The following ITCH variants were observed in gnomAD, a reference collection of about 807,000 sequenced individuals.
ITCH encodes itchy E3 ubiquitin protein ligase.
ITCH carries 28 observed loss-of-function variants against 126.8 expected under a neutral mutation model. The ratio of observed to expected loss-of-function variants is 0.22; its 90% confidence interval spans 0.16 to 0.30. The LOEUF (loss-of-function observed/expected upper bound fraction) is 0.30. Among genes scored for constraint, ITCH ranks in the 10% least tolerant of loss-of-function variants. ITCH has a pLI of 1.00. For missense variants in ITCH, 631 were observed against 1,032.4 expected (o/e 0.61, Z 5.33); for synonymous variants, 342 against 340.0 (o/e 1.01, Z -0.06).
intron 12 of ITCH, among the ~76,000 whole-genome samples, chr20:34,451,855 C>T (rs1985287574): frequency 6.6e-6 from 1 of 152,006 alleles, no homozygotes; most frequent in Non-Finnish European, 1.5e-5. Flanking sequence ...ATTGCTTGAG[C>T]CCGGGAGTTG....
chr20:34,373,925 G>A (rs978312060), intron 2 of ITCH, among the ~76,000 whole-genome samples: 5 of 148,920 alleles, frequency 3.4e-5, no homozygotes, highest in Non-Finnish European at 5.9e-5. Context: ...TTGCTTTGTC[G>A]CCAGGCTGGA....
In ITCH at chr20:34,440,363, T is replaced by G; in HGVS notation, c.869+19T>G. On this transcript the variant is annotated intron_variant, in intron 9 of 24. Transcript: ENST00000374864. ...CACCTGGGTGAGTAACTTTTTAAAT[T>G]AACATATGTTGTCTTTAGGATTCTT... 6.4e-7 allele frequency: 1 copy of G among 1,571,898 alleles called. No individual in the cohort carries two copies. Among genetic ancestry groups the G allele is most frequent in the Non-Finnish European group, 8.8e-7 (1 of 1,141,404 alleles).
In ITCH at chr20:34,490,594, G is replaced by A. The variant is rs139060390; in HGVS notation, c.2319+668G>A. ...GAAGGCAGAGGTTGCAGTAAGCCAA[G>A]TTCGCACTACTGCACTCCAGCCTGG... On this transcript the variant is annotated intron_variant, in intron 22 of 24. Transcript: ENST00000374864. 4.0e-3 allele frequency among the ~76,000 whole-genome samples: 614 copies of A among 152,304 alleles called. 5 individuals are homozygous for A. Among genetic ancestry groups the A allele is most frequent in the African/African-American group, 0.014 (578 of 41,556 alleles).
intron 22 of ITCH, among the ~76,000 whole-genome samples, chr20:34,491,361 G>A (rs1487344365): frequency 1.3e-5 from 2 of 152,148 alleles, no homozygotes; most frequent in Non-Finnish European, 2.9e-5. Flanking sequence ...CAGCTTCATA[G>A]AGGCAAAAGT....
intron 13 of ITCH, among the ~76,000 whole-genome samples, chr20:34,460,018 C>T (rs186457229): frequency 3.9e-5 from 6 of 152,274 alleles, no homozygotes; most frequent in South Asian, 2.1e-4. Flanking sequence ...AGTTAGAATT[C>T]TGCTTTAACA....
chr20:34,377,511 GA>G (rs1409986809), intron 2 of ITCH, among the ~76,000 whole-genome samples: 1 of 152,114 alleles, frequency 6.6e-6, no homozygotes, highest in African/African-American at 2.4e-5. Flanking sequence ...CCAAGGTTTG[GA>G]AACAATGACA....
chr20:34,401,894 C>G (rs2038899349), intron 3 of ITCH, among the ~76,000 whole-genome samples: 2 of 152,000 alleles, frequency 1.3e-5, no homozygotes, highest in African/African-American at 2.4e-5. Flanking sequence ...CTTGAAATAA[C>G]AAAACTGAAA....
At position 34,473,185 on chromosome 20, in the gene ITCH, AGTT is replaced by A. The variant is rs141246514; in HGVS notation, c.1569+1675_1569+1677del. Among the ~76,000 whole-genome samples, 1,178 of 152,342 alleles carry A rather than the reference AGTT, an allele frequency of 7.7e-3. 17 individuals carry two copies. The highest frequency in any genetic ancestry group is 0.027 in the African/African-American group (1,114 of 41,576). ...AATTAGCATCAGATTTTCTTTGGAT[AGTT>A]GTTGGATAAAATTGCTCTGGGATAG... On this transcript the variant is annotated intron_variant, in intron 16 of 24. Transcript: ENST00000374864.
chr20:34,487,491 T>G (rs796226945), intron 20 of ITCH, among the ~76,000 whole-genome samples: 1 of 152,224 alleles, frequency 6.6e-6, no homozygotes, highest in African/African-American at 2.4e-5. Flanking sequence ...TTTCTTGCCT[T>G]CTTTGAATAA....
chr20:34,388,703 C>G (rs755843198), intron 2 of ITCH, among the ~76,000 whole-genome samples: 4 of 152,164 alleles, frequency 2.6e-5, no homozygotes, highest in Admixed American at 6.5e-5. Context: ...CATACAAAGG[C>G]TTAAAAGTAT....
intron 6 of ITCH, among the ~76,000 whole-genome samples, chr20:34,423,819 T>C (rs1601865953): frequency 6.6e-6 from 1 of 152,112 alleles, no homozygotes. Context: ...GCCAGGCTGG[T>C]CTTGAACTCC....
At chr20:34,437,230 A>G (rs939143010) in intron 7 of ITCH, among the ~76,000 whole-genome samples, 1 of 152,222 alleles carries the variant, frequency 6.6e-6, no homozygotes, top group Non-Finnish European at 1.5e-5. Flanking sequence ...ACATCATGTT[A>G]TACTGTTTTT....
At chr20:34,417,703 CTTTTTTTTTT>C (rs77967776) in intron 6 of ITCH, among the ~76,000 whole-genome samples, 1 of 109,308 alleles carries the variant, frequency 9.1e-6, no homozygotes, top group Non-Finnish European at 1.8e-5. Context: ...CCTGGCCCAG[CTTTTTTTTTT>C]TTTTTTTTTT....
chr20:34,421,214 A>G (rs1980720539), intron 6 of ITCH, among the ~76,000 whole-genome samples: 1 of 152,208 alleles, frequency 6.6e-6, no homozygotes, highest in African/African-American at 2.4e-5. Context: ...TCCTGGCCTC[A>G]AGCAGTCCTC....
chr20:34,432,250 C>T (rs1385958993), intron 7 of ITCH, among the ~76,000 whole-genome samples: 1 of 151,930 alleles, frequency 6.6e-6, no homozygotes, highest in Admixed American at 6.6e-5. Context: ...AAACTAAAAC[C>T]TCTAGAAGAA....
chr20:34,507,263 GTTTTTT>G (rs776161631), intron 24 of ITCH, among the ~76,000 whole-genome samples: 47 of 39,180 alleles, frequency 1.2e-3, no homozygotes, highest in Admixed American at 7.3e-4. Flanking sequence ...GTTTTCTTCT[GTTTTTT>G]TTTTTTTTTT....
At chr20:34,455,228 CTA>C (rs1257369089) in intron 12 of ITCH, among the ~76,000 whole-genome samples, 2 of 152,106 alleles carry the variant, frequency 1.3e-5, no homozygotes, top group Non-Finnish European at 2.9e-5. Context: ...TTTTTAGAAA[CTA>C]AGCTTTTTAA....
At chr20:34,402,109 C>T in intron 3 of ITCH, 1 of 856,908 alleles carries the variant, frequency 1.2e-6, no homozygotes, top group South Asian at 1.4e-5. Context: ...AGTATGATGC[C>T]AACACCAGCT....
At chr20:34,488,150 A>AT (rs60684607) in intron 20 of ITCH, among the ~76,000 whole-genome samples, 23,627 of 144,040 alleles carry the variant, frequency 0.16, 2,118 homozygotes, top group South Asian at 0.35. Flanking sequence ...CCTCAGATTC[A>AT]TTTTTTTTTT....
Sources: gnomAD v4.1 joint callset for allele counts (sites outside exome capture counted in the v4.1 genomes callset) on GRCh38, gnomAD v4.1.1 for gene constraint, MANE v1.5 for transcripts, NCBI Gene and HGNC (gene_info 2026-07-23, HGNC 2026-07-21) for gene names.